Variants in TUSC3 observed in about 807,000 individuals in gnomAD.
TUSC3 encodes the protein tumor suppressor candidate 3, also known as dolichyl-diphosphooligosaccharide--protein glycosyltransferase subunit TUSC3.
Under a neutral mutation model 44.8 loss-of-function variants are expected in TUSC3, and 45 were observed. The observed-to-expected ratio is 1.00, with a 90% CI of 0.79 to 1.29. The LOEUF (loss-of-function observed/expected upper bound fraction) is 1.29. TUSC3 is among the 50% of genes most tolerant of loss of function. The pLI is 0.00. For missense variants in TUSC3, 519 were observed against 437.9 expected, an observed-to-expected ratio of 1.19 and a Z score of -1.65; for synonymous variants, 212 against 152.9, an observed-to-expected ratio of 1.39 and a Z score of -2.85.
At chr8:15,449,385 C>T (rs1266754956) in intron 1 of TUSC3, among the ~76,000 whole-genome samples, 1 of 152,116 alleles carries the variant, frequency 6.6e-6, no homozygotes, top group Non-Finnish European at 1.5e-5. Flanking sequence ...AAAGGTGAAG[C>T]AGAGGACACG....
chr8:15,768,251 G>T (rs1812381638), downstream of TUSC3, among the ~76,000 whole-genome samples: 2 of 152,028 alleles, frequency 1.3e-5, no homozygotes, highest in South Asian at 2.1e-4. Context: ...CAGACAACAT[G>T]TGACAGTTTA....
chr8:15,736,724 T>A (rs1159402061), intron 7 of TUSC3, among the ~76,000 whole-genome samples: 4 of 152,166 alleles, frequency 2.6e-5, no homozygotes, highest in Non-Finnish European at 5.9e-5. Flanking sequence ...ATCTGCCTTT[T>A]TTTCTATCAA....
At chr8:15,592,073 A>G (rs1278320547) in intron 1 of TUSC3, among the ~76,000 whole-genome samples, 1 of 152,158 alleles carries the variant, frequency 6.6e-6, no homozygotes, top group Admixed American at 6.5e-5. Context: ...AGAGAAGGAA[A>G]GTTATTCATT....
rs181548547 is a variant in TUSC3 at position 15,686,844 on chromosome 8, G to A, written c.798+13008G>A. 3.0e-3 allele frequency among the ~76,000 whole-genome samples: 461 copies of A among 151,822 alleles called. 2 individuals are homozygous for A. The highest frequency in any genetic ancestry group is 9.9e-3 in the African/African-American group (408 of 41,370). On this transcript the variant is annotated intron_variant, in intron 6 of 10. Coordinates refer to ENST00000503731, the MANE Select transcript of TUSC3 (RefSeq NM_006765.4). ...AGCACTTTAGGAGGCCGAGTTTGGC[G>A]GATCACAAGGTCAGGAGATCGAGAC...
intron 10 of TUSC3, among the ~76,000 whole-genome samples, chr8:15,759,631 C>T (rs1812088601): frequency 6.6e-6 from 1 of 152,042 alleles, no homozygotes; most frequent in Admixed American, 6.6e-5. Flanking sequence ...TTCATGTGAC[C>T]TTTCTAGCAT....
At chr8:15,655,832 A>G (rs2129177512) in intron 3 of TUSC3, among the ~76,000 whole-genome samples, 1 of 152,304 alleles carries the variant, frequency 6.6e-6, no homozygotes, top group African/African-American at 2.4e-5. Flanking sequence ...TAGCAGTAAT[A>G]CTGGTGTGTA....
chr8:15,548,932 G>T (rs1801963212), intron 1 of TUSC3, among the ~76,000 whole-genome samples: 1 of 151,776 alleles, frequency 6.6e-6, no homozygotes. Flanking sequence ...ATCTGTGCAT[G>T]TTTGGAAGAG....
chr8:15,460,748 G>A (rs1404398807), intron 1 of TUSC3, among the ~76,000 whole-genome samples: 3 of 152,092 alleles, frequency 2.0e-5, no homozygotes, highest in African/African-American at 7.2e-5. Flanking sequence ...CCTACATGTG[G>A]TTAGACAATT....
intron 6 of TUSC3, among the ~76,000 whole-genome samples, chr8:15,708,111 G>A (rs1484819360): frequency 6.6e-6 from 1 of 151,812 alleles, no homozygotes; most frequent in East Asian, 1.9e-4. Context: ...TCCAAATAAG[G>A]TCACAGTCCA....
intron 1 of TUSC3, among the ~76,000 whole-genome samples, chr8:15,552,102 T>A (rs1802079684): frequency 6.6e-6 from 1 of 151,794 alleles, no homozygotes; most frequent in Non-Finnish European, 1.5e-5. Flanking sequence ...GGGTGTTGAT[T>A]TCTTAAGTAT....
chr8:15,447,773 A>G (rs1298543771), intron 1 of TUSC3, among the ~76,000 whole-genome samples: 1 of 151,766 alleles, frequency 6.6e-6, no homozygotes, highest in South Asian at 2.1e-4. Flanking sequence ...TCAAGTGTAC[A>G]TGATGTAAAA....
rs1053836230 is a variant in TUSC3 at position 15,554,551 on chromosome 8, A to C, written c.138+13983A>C. ...TGGAGCTCTTAGTGCACTATAGTCT[A>C]ACCTATTTGGATTGTTTCAAGGACT... is the stretch of plus-strand genomic sequence containing the variant. On this transcript the variant is annotated intron_variant, in intron 1 of 10. Coordinates refer to ENST00000503731, the MANE Select transcript of TUSC3 (RefSeq NM_006765.4). Among the ~76,000 whole-genome samples the C allele has an allele frequency of 5.3e-5, 8 of 150,756 alleles. 1 individual carries two copies. The highest frequency in any genetic ancestry group is 1.2e-4 in the Non-Finnish European group (8 of 67,642).
At chr8:15,703,666 A>C (rs1030069925) in intron 6 of TUSC3, among the ~76,000 whole-genome samples, 1 of 152,118 alleles carries the variant, frequency 6.6e-6, no homozygotes, top group African/African-American at 2.4e-5. Context: ...GGGAGCCAGC[A>C]TGTGTAGCAA....
the TUSC3 span, among the ~76,000 whole-genome samples, chr8:15,829,957 A>G: frequency 3.3e-5 from 5 of 151,814 alleles, no homozygotes; most frequent in Admixed American, 3.3e-4. Context: ...ACCAATATCT[A>G]TTTTTTTCTG....
chr8:15,753,046 T>A (rs747757807), intron 9 of TUSC3, among the ~76,000 whole-genome samples: 1 of 151,956 alleles, frequency 6.6e-6, no homozygotes, highest in Non-Finnish European at 1.5e-5. Flanking sequence ...ATTTAAGTAA[T>A]TTTTATATCT....
At chr8:15,614,009 TTTG>T (rs1276540868) in intron 1 of TUSC3, among the ~76,000 whole-genome samples, 2 of 90,654 alleles carry the variant, frequency 2.2e-5, no homozygotes, top group Non-Finnish European at 4.7e-5. Context: ...CTTCTGGTGT[TTTG>T]TTATTTTTTT....
chr8:15,821,096 T>C, the TUSC3 span, among the ~76,000 whole-genome samples: 1 of 152,164 alleles, frequency 6.6e-6, no homozygotes, highest in South Asian at 2.1e-4. Context: ...AGAAGTCTCT[T>C]AGTTTTCCCT....
At chr8:15,834,009 TTTCAG>T in the TUSC3 span, among the ~76,000 whole-genome samples, 1 of 152,160 alleles carries the variant, frequency 6.6e-6, no homozygotes, top group Middle Eastern at 3.4e-3. Flanking sequence ...TACACATTCT[TTTCAG>T]TTCAATTTGT....
intron 9 of TUSC3, among the ~76,000 whole-genome samples, chr8:15,750,798 A>C (rs749779767): frequency 3.3e-5 from 5 of 152,190 alleles, no homozygotes; most frequent in Non-Finnish European, 7.4e-5. Context: ...CCACCAGCCT[A>C]ACAGGAGATA....
Sources: allele counts gnomAD v4.1 joint callset (sites outside exome capture counted in the v4.1 genomes callset), GRCh38; gene constraint gnomAD v4.1.1; transcripts MANE v1.5; gene names NCBI Gene and HGNC (gene_info 2026-07-23, HGNC 2026-07-21).